The following LRMDA variants were observed in gnomAD, a reference collection of about 807,000 sequenced individuals.
LRMDA encodes leucine-rich melanocyte differentiation-associated protein.
In LRMDA, 18 loss-of-function variants were observed where a neutral mutation model predicts 29.8. The ratio of observed to expected loss-of-function variants is 0.60; its 90% CI spans 0.42 to 0.90. LRMDA has a LOEUF of 0.90. LRMDA is among the 40% of genes least tolerant of loss of function. The pLI is 0.00. For synonymous variants in LRMDA, 125 were observed against 109.4 expected (o/e 1.14, Z -0.89); for missense variants, 273 against 273.9 (o/e 1.00, Z 0.02).
intron 6 of LRMDA, among the ~76,000 whole-genome samples, chr10:76,429,144 G>A (rs373572108): frequency 1.3e-5 from 2 of 151,020 alleles, no homozygotes. Context: ...AAACCCCAAA[G>A]TAAAAATGTT....
At chr10:75,898,581 C>T (rs1845621371) in intron 2 of LRMDA, among the ~76,000 whole-genome samples, 2 of 151,878 alleles carry the variant, frequency 1.3e-5, no homozygotes. Flanking sequence ...CTAGCTTCTA[C>T]TGGACCCTGG....
intron 5 of LRMDA, among the ~76,000 whole-genome samples, chr10:76,274,145 T>G (rs927506780): frequency 6.6e-6 from 1 of 152,180 alleles, no homozygotes; most frequent in African/African-American, 2.4e-5. Context: ...GATCACCAGT[T>G]CCAAATATTG....
At chr10:75,607,705 A>G (rs1385126983) in intron 2 of LRMDA, among the ~76,000 whole-genome samples, 1 of 151,932 alleles carries the variant, frequency 6.6e-6, no homozygotes, top group Non-Finnish European at 1.5e-5. Context: ...TTCATTCCTC[A>G]TGTGCAAGCA....
intron 6 of LRMDA, among the ~76,000 whole-genome samples, chr10:76,547,358 G>A (rs745467685): frequency 3.3e-5 from 5 of 152,236 alleles, no homozygotes; most frequent in Admixed American, 6.5e-5. Flanking sequence ...TGGGGGGCAA[G>A]GAGTGTCTGA....
chr10:76,032,428 G>A (rs1238503579), intron 2 of LRMDA, among the ~76,000 whole-genome samples: 1 of 152,244 alleles, frequency 6.6e-6, no homozygotes, highest in Non-Finnish European at 1.5e-5. Flanking sequence ...CAGGAAGCTT[G>A]ATCATAATTA....
chr10:75,813,154 G>A (rs1168105770), intron 2 of LRMDA, among the ~76,000 whole-genome samples: 2 of 152,198 alleles, frequency 1.3e-5, no homozygotes, highest in East Asian at 3.9e-4. Flanking sequence ...ATAGGCAAGA[G>A]TCTGAGGGGC....
chr10:76,469,471 C>A (rs950624039), intron 6 of LRMDA, among the ~76,000 whole-genome samples: 6 of 152,012 alleles, frequency 3.9e-5, no homozygotes, highest in African/African-American at 9.7e-5. Context: ...AGGGTCCACA[C>A]TGGGAGAGGC....
chr10:76,407,361 A>G (rs1036729833), intron 6 of LRMDA, among the ~76,000 whole-genome samples: 2 of 152,210 alleles, frequency 1.3e-5, no homozygotes, highest in African/African-American at 4.8e-5. Context: ...TCATTCACTC[A>G]AAATTTGAGG....
At chr10:75,578,675 G>A (rs1407087361) in intron 2 of LRMDA, among the ~76,000 whole-genome samples, 1 of 151,982 alleles carries the variant, frequency 6.6e-6, no homozygotes, top group African/African-American at 2.4e-5. Flanking sequence ...AAATGCAAAA[G>A]AATGGAAATC....
chr10:75,677,779 T>G (rs536730386), intron 2 of LRMDA, among the ~76,000 whole-genome samples: 2 of 152,200 alleles, frequency 1.3e-5, no homozygotes, highest in Non-Finnish European at 2.9e-5. Context: ...AACTATGCAC[T>G]GAGTTAAATC....
chr10:76,068,668 A>G (rs1848826468), intron 5 of LRMDA, among the ~76,000 whole-genome samples: 1 of 152,186 alleles, frequency 6.6e-6, no homozygotes, highest in Non-Finnish European at 1.5e-5. Context: ...AGACCAGTAC[A>G]TGTCTGTAGC....
intron 6 of LRMDA, among the ~76,000 whole-genome samples, chr10:76,484,665 G>C (rs1842764079): frequency 6.6e-6 from 1 of 151,858 alleles, no homozygotes; most frequent in African/African-American, 2.4e-5. Flanking sequence ...TTAGTTTTAT[G>C]TAGTTTTCTG....
chr10:75,723,687 A>G (rs1211644277), intron 2 of LRMDA, among the ~76,000 whole-genome samples: 1 of 152,244 alleles, frequency 6.6e-6, no homozygotes, highest in African/African-American at 2.4e-5. Context: ...GACTCTTAAC[A>G]GAAGTGGCAA....
chr10:76,437,983 C>T (rs938858475), intron 6 of LRMDA, among the ~76,000 whole-genome samples: 1 of 152,212 alleles, frequency 6.6e-6, no homozygotes, highest in African/African-American at 2.4e-5. Context: ...TCGCAAGTCA[C>T]TCACCTAGTC....
At chr10:76,385,696 A>G (rs1841651056) in intron 6 of LRMDA, among the ~76,000 whole-genome samples, 1 of 152,094 alleles carries the variant, frequency 6.6e-6, no homozygotes, top group African/African-American at 2.4e-5. Flanking sequence ...TAGCTCCTTC[A>G]TATCCCACCT....
chr10:75,542,170 T>C (rs1342060336), intron 2 of LRMDA, among the ~76,000 whole-genome samples: 1 of 152,226 alleles, frequency 6.6e-6, no homozygotes. Context: ...CTGCATTTTC[T>C]TGGGCATTAA....
At chr10:75,825,197 G>A (rs944629809) in intron 2 of LRMDA, among the ~76,000 whole-genome samples, 2 of 152,070 alleles carry the variant, frequency 1.3e-5, no homozygotes, top group Admixed American at 6.6e-5. Flanking sequence ...AGAGACTTTG[G>A]TGTGACGCCT....
chr10:76,435,873 G>A (rs1428594986), intron 6 of LRMDA, among the ~76,000 whole-genome samples: 1 of 152,130 alleles, frequency 6.6e-6, no homozygotes, highest in Non-Finnish European at 1.5e-5. Flanking sequence ...TTCTGGCAAA[G>A]GATAATGATA....
intron 5 of LRMDA, among the ~76,000 whole-genome samples, chr10:76,240,792 A>C (rs1852259686): frequency 7.1e-6 from 1 of 140,220 alleles, no homozygotes. Flanking sequence ...ATAGATAGAT[A>C]GATAGATAGA....
Sources: allele counts gnomAD v4.1 joint callset (sites outside exome capture counted in the v4.1 genomes callset), GRCh38; gene constraint gnomAD v4.1.1; transcripts MANE v1.5; gene names NCBI Gene and HGNC (gene_info 2026-07-23, HGNC 2026-07-21).